The following RAPGEF4 variants were observed in gnomAD, a reference collection of about 807,000 sequenced individuals.
The protein encoded by RAPGEF4 is RAP guanine-nucleotide-exchange factor (GEF) 4.
A neutral mutation model predicts 147.9 loss-of-function variants in RAPGEF4; 66 were observed. The observed-to-expected ratio is 0.45, with a 90% CI of 0.37 to 0.55. The LOEUF (loss-of-function observed/expected upper bound fraction) is 0.55, where lower values mean the gene tolerates loss of function less well. Ranked by LOEUF, RAPGEF4 falls within the 20% of genes least tolerant of loss-of-function variation. The pLI is 0.00. For missense variants in RAPGEF4, 1,071 were observed against 1,257.3 expected (o/e 0.85, Z 2.24); for synonymous variants, 419 against 442.7 (o/e 0.95, Z 0.67).
At chr2:172,980,704 A>G (rs1184157942) in intron 10 of RAPGEF4, among the ~76,000 whole-genome samples, 1 of 152,172 alleles carries the variant, frequency 6.6e-6, no homozygotes, top group African/African-American at 2.4e-5. Flanking sequence ...GCCTTGAACC[A>G]TGATGTCAAA....
chr2:172,986,897 C>G (rs1692319907), intron 12 of RAPGEF4, among the ~76,000 whole-genome samples: 1 of 152,070 alleles, frequency 6.6e-6, no homozygotes, highest in African/African-American at 2.4e-5. Flanking sequence ...CAGGGTTTCA[C>G]CTAGTTGGCA....
intron 30 of RAPGEF4, among the ~76,000 whole-genome samples, chr2:173,050,885 C>T (rs1245755124): frequency 1.3e-5 from 2 of 152,120 alleles, no homozygotes; most frequent in Non-Finnish European, 1.5e-5. Flanking sequence ...TCTGGTCTGG[C>T]TTTCCTTATT....
At chr2:172,881,996 CAATA>C (rs746064734) in intron 4 of RAPGEF4, among the ~76,000 whole-genome samples, 38 of 152,124 alleles carry the variant, frequency 2.5e-4, no homozygotes, top group Non-Finnish European at 4.9e-4. Flanking sequence ...ATAGATTTAA[CAATA>C]AGCTCTTTTA....
chr2:172,995,509 A>C (rs1221132193), intron 15 of RAPGEF4, among the ~76,000 whole-genome samples: 1 of 152,096 alleles, frequency 6.6e-6, no homozygotes, highest in Non-Finnish European at 1.5e-5. Context: ...CGAACTTCTG[A>C]GCTCAGGCAA....
intron 1 of RAPGEF4, among the ~76,000 whole-genome samples, chr2:172,775,322 A>G (rs375867175): frequency 1.0e-3 from 157 of 152,340 alleles, no homozygotes; most frequent in African/African-American, 3.6e-3. Context: ...CTGAAATTAT[A>G]CATATGGTTA....
intron 4 of RAPGEF4, among the ~76,000 whole-genome samples, chr2:172,881,152 C>T (rs1696575283): frequency 6.6e-6 from 1 of 152,188 alleles, no homozygotes; most frequent in African/African-American, 2.4e-5. Context: ...TTCCCAACTA[C>T]TCTGATTTTT....
At position 173,036,677 on chromosome 2, in the gene RAPGEF4, A is replaced by G. The variant is rs751327901; in HGVS notation, c.2838A>G (p.Val946=). 6.2e-7 allele frequency: 1 copy of G among 1,609,396 alleles called. No individual in the cohort carries two copies. ...ACAAGACGTTCATTGACAATCTAGTAAACTTTGAAAAAATGGTATGTGCAG... is the reference window on the plus strand; with the variant it reads ...ACAAGACGTTCATTGACAATCTAGTGAACTTTGAAAAAATGGTATGTGCAG... ...EGNKTFIDNL[V]NFEKMRMIAN... is the part of the protein sequence containing the mutation. Residue 946 remains valine, a synonymous_variant, in exon 29 of 31, where the codon GTA becomes GTG. Coordinates refer to ENST00000397081, the MANE Select transcript of RAPGEF4 (RefSeq NM_007023.4).
At chr2:173,010,432 A>G (rs1488482465) in intron 17 of RAPGEF4, among the ~76,000 whole-genome samples, 2 of 152,236 alleles carry the variant, frequency 1.3e-5, no homozygotes. Flanking sequence ...GCCTTATTCA[A>G]TAAAAGCACT....
At chr2:172,838,676 G>T (rs1691236692) in intron 4 of RAPGEF4, among the ~76,000 whole-genome samples, 1 of 152,034 alleles carries the variant, frequency 6.6e-6, no homozygotes, top group Non-Finnish European at 1.5e-5. Flanking sequence ...AGAAAACTTT[G>T]TATAAATGTT....
At chr2:172,995,291 T>TGTGTG (rs1559171296) in intron 15 of RAPGEF4, among the ~76,000 whole-genome samples, 67 of 138,816 alleles carry the variant, frequency 4.8e-4, no homozygotes, top group African/African-American at 1.9e-3. Flanking sequence ...GTGTGTGTGT[T>TGTGTG]TGTATTTTGA....
intron 4 of RAPGEF4, among the ~76,000 whole-genome samples, chr2:172,892,527 G>A (rs567487017): frequency 2.0e-5 from 3 of 152,328 alleles, no homozygotes; most frequent in African/African-American, 4.8e-5. Flanking sequence ...ACTCCAGATC[G>A]TTGAGAAGTT....
intron 4 of RAPGEF4, among the ~76,000 whole-genome samples, chr2:172,855,147 C>A (rs1243814652): frequency 6.6e-6 from 1 of 152,102 alleles, no homozygotes; most frequent in African/African-American, 2.4e-5. Context: ...GAAGTAGGCA[C>A]CTTCATGGCT....
intron 4 of RAPGEF4, among the ~76,000 whole-genome samples, chr2:172,878,301 A>G (rs911439907): frequency 6.6e-5 from 10 of 152,056 alleles, no homozygotes; most frequent in Admixed American, 1.3e-4. Flanking sequence ...CACTCACCCA[A>G]TTGTTGATGG....
intron 10 of RAPGEF4, among the ~76,000 whole-genome samples, chr2:172,980,900 G>A (rs566820668): frequency 2.0e-5 from 3 of 152,110 alleles, no homozygotes; most frequent in East Asian, 1.9e-4. Flanking sequence ...CTCCTGCCTC[G>A]GTCCCCCAAA....
chr2:173,021,491 G>A (rs1370404536), intron 23 of RAPGEF4, among the ~76,000 whole-genome samples: 1 of 152,222 alleles, frequency 6.6e-6, no homozygotes, highest in African/African-American at 2.4e-5. Context: ...AGGAGGCTGA[G>A]GCAGGAGAAT....
intron 6 of RAPGEF4, among the ~76,000 whole-genome samples, chr2:172,958,334 T>C (rs1238600680): frequency 6.6e-6 from 1 of 152,192 alleles, no homozygotes; most frequent in Non-Finnish European, 1.5e-5. Context: ...TAAACCAACC[T>C]GTGTAATGAA....
chr2:172,990,321 T>A (rs1692706061), intron 14 of RAPGEF4, among the ~76,000 whole-genome samples: 1 of 152,140 alleles, frequency 6.6e-6, no homozygotes, highest in Admixed American at 6.5e-5. Context: ...TCACTTAAAA[T>A]AACCAAAAAT....
chr2:172,798,714 A>G (rs994645950), intron 3 of RAPGEF4, among the ~76,000 whole-genome samples: 25 of 149,662 alleles, frequency 1.7e-4, no homozygotes, highest in African/African-American at 6.1e-4. Context: ...TACATTTTTT[A>G]GGAACTTGTA....
intron 6 of RAPGEF4, among the ~76,000 whole-genome samples, chr2:172,956,941 C>T (rs1688804977): frequency 6.6e-6 from 1 of 152,174 alleles, no homozygotes; most frequent in African/African-American, 2.4e-5. Flanking sequence ...TTGAATCAAA[C>T]AGAACACAGA....
Sources: allele counts gnomAD v4.1 joint callset (sites outside exome capture counted in the v4.1 genomes callset), GRCh38; gene constraint gnomAD v4.1.1; transcripts MANE v1.5; gene names NCBI Gene and HGNC (gene_info 2026-07-23, HGNC 2026-07-21).